The following LARS2 variants were observed in gnomAD, a reference collection of about 807,000 sequenced individuals.
LARS2 encodes the protein leucine--tRNA ligase, mitochondrial.
In LARS2, 81 loss-of-function variants were observed where a neutral mutation model predicts 116.6. The observed-to-expected ratio is 0.69, with a 90% CI of 0.58 to 0.84. The LOEUF is 0.84. Ranked by LOEUF, LARS2 falls within the 40% of genes least tolerant of loss-of-function variation. The pLI is 0.00. For missense variants in LARS2, 968 were observed against 1,114.5 expected (o/e 0.87, Z 1.87); for synonymous variants, 396 against 407.2 (o/e 0.97, Z 0.33).
At chr3:45,526,226 T>C (rs1303764857) in intron 20 of LARS2, among the ~76,000 whole-genome samples, 1 of 152,230 alleles carries the variant, frequency 6.6e-6, no homozygotes, top group Non-Finnish European at 1.5e-5. Flanking sequence ...ATCATACCAT[T>C]GGATAATCAG....
intron 8 of LARS2, among the ~76,000 whole-genome samples, chr3:45,462,491 A>G (rs1415848154): frequency 3.9e-5 from 6 of 152,108 alleles, no homozygotes; most frequent in African/African-American, 1.4e-4. Flanking sequence ...TTTTGTCTAG[A>G]AAACAAAAAC....
rs201126565 is a variant in LARS2, at chr3:45,516,220, G to A, written c.1988G>A (p.Arg663Gln). The stretch of plus-strand genomic sequence containing the variant: ...GAGCAGTATGGGATCGACACGATTC[G>A]GCTCTACATCCTTTTTGCTGCCCCT... ...VVEQYGIDTI[R>Q]LYILFAAPPE... Residue 663 changes from arginine (R) to glutamine (Q), a missense_variant, in exon 17 of 22, where the codon CGG (arginine) becomes CAG (glutamine). Coordinates refer to ENST00000645846, the MANE Select transcript of LARS2 (RefSeq NM_015340.4). 3.1e-6 allele frequency: 5 copies of A among 1,614,152 alleles called. No homozygotes were observed. The highest frequency in any genetic ancestry group is 1.7e-5 in the Admixed American group (1 of 60,016).
chr3:45,400,902 C>A (rs547527004), intron 4 of LARS2, among the ~76,000 whole-genome samples: 6 of 152,084 alleles, frequency 3.9e-5, no homozygotes, highest in African/African-American at 1.4e-4. Context: ...CAACCTCCCC[C>A]TCCCGGGTTC....
chr3:45,500,266 T>A lies in LARS2; in HGVS notation c.1623-176T>A, dbSNP rs146415564. Among the ~76,000 whole-genome samples the A allele has an allele frequency of 0.014, 2,064 of 152,336 alleles. 31 individuals carry two copies. Among genetic ancestry groups the A allele is most frequent in the African/African-American group, 0.047 (1,964 of 41,562 alleles). ...AGCCACCTGCCTCGGCCTCCCAAAC[T>A]GCTGGGATGACAGGCATGAGCCACC... is the stretch of plus-strand genomic sequence containing the variant. On this transcript the variant is annotated intron_variant, in intron 14 of 21. Transcript: ENST00000645846.
At chr3:45,450,391 G>A (rs750729613) in intron 7 of LARS2, among the ~76,000 whole-genome samples, 10 of 151,652 alleles carry the variant, frequency 6.6e-5, no homozygotes, top group Non-Finnish European at 1.3e-4. Flanking sequence ...TTTATCCCCC[G>A]CTCTCTCCCC....
intron 10 of LARS2, among the ~76,000 whole-genome samples, chr3:45,476,904 C>T (rs952679242): frequency 6.6e-6 from 1 of 152,188 alleles, no homozygotes; most frequent in East Asian, 1.9e-4. Flanking sequence ...ATCTAAAGTT[C>T]TTTTCTCCTA....
At chr3:45,522,511 G>A (rs267222) in intron 19 of LARS2, among the ~76,000 whole-genome samples, 78,711 of 152,148 alleles carry the variant, frequency 0.52, 24,290 homozygotes, top group East Asian at 0.78. Context: ...CAGATAGATC[G>A]CTTGAGGTCA....
intron 10 of LARS2, among the ~76,000 whole-genome samples, chr3:45,479,521 T>A (rs184526336): frequency 9.8e-5 from 15 of 152,300 alleles, no homozygotes; most frequent in East Asian, 3.9e-4. Context: ...GCTGGCCAAC[T>A]GGGTTGCCGA....
chr3:45,541,798 G>C (rs989775947), intron 20 of LARS2, 31 bp from the exon 21 acceptor site: 43 of 1,612,460 alleles, frequency 2.7e-5, no homozygotes, highest in Non-Finnish European at 3.6e-5. Flanking sequence ...TTCTTAGAGT[G>C]ACCCCACGCT....
At chr3:45,517,748 C>T (rs910687347) in intron 17 of LARS2, among the ~76,000 whole-genome samples, 155 bp from the exon 18 acceptor site, 3 of 152,186 alleles carry the variant, frequency 2.0e-5, no homozygotes, top group African/African-American at 4.8e-5. Flanking sequence ...CACTGAAGGC[C>T]AGGGAGGATC....
At chr3:45,501,347 T>C (rs1382496091) in intron 15 of LARS2, among the ~76,000 whole-genome samples, 5 of 151,680 alleles carry the variant, frequency 3.3e-5, no homozygotes, top group Non-Finnish European at 1.5e-5. Context: ...TCTTTATAAA[T>C]GTATCGTTTC....
chr3:45,517,971 G>T lies in LARS2; in HGVS notation c.2113G>T (p.Ala705Ser), dbSNP rs1700395831. The change falls in exon 18 of 22, where the codon GCC becomes TCC. Residue 705 changes from alanine (A) to serine (S), a missense_variant. Ala to Ser is a moderately conservative substitution (Grantham distance 99, BLOSUM62 1). Coordinates refer to ENST00000645846, the MANE Select transcript of LARS2 (RefSeq NM_015340.4). ...GACCTTGACAACTCGGTTTATTGAG[G>T]CCAGGGCTTCTGGGAAGTCTCCCCA... ...LWTLTTRFIE[A>S]RASGKSPQPQ... 6.2e-7 allele frequency: 1 copy of T among 1,614,088 alleles called. No individual in the cohort carries two copies. Among genetic ancestry groups the T allele is most frequent in the Non-Finnish European group, 8.5e-7 (1 of 1,179,964 alleles).
chr3:45,412,708 A>G (rs1698350693), intron 4 of LARS2, among the ~76,000 whole-genome samples: 1 of 152,208 alleles, frequency 6.6e-6, no homozygotes, highest in Admixed American at 6.5e-5. Context: ...AAAACTGGGA[A>G]ATGCAGCATA....
At chr3:45,540,192 G>A (rs896818037) in intron 20 of LARS2, among the ~76,000 whole-genome samples, 1 of 152,130 alleles carries the variant, frequency 6.6e-6, no homozygotes, top group Non-Finnish European at 1.5e-5. Context: ...CTGGGAGGCA[G>A]AGGTTGCAGT....
intron 7 of LARS2, among the ~76,000 whole-genome samples, chr3:45,456,956 G>A (rs906911342): frequency 1.3e-5 from 2 of 152,228 alleles, no homozygotes; most frequent in African/African-American, 4.8e-5. Flanking sequence ...CAGCAGGAAA[G>A]AGAGAGCACA....
intron 1 of LARS2, among the ~76,000 whole-genome samples, chr3:45,389,797 G>C (rs192292773): frequency 2.1e-4 from 32 of 152,306 alleles, no homozygotes; most frequent in African/African-American, 7.0e-4. Context: ...TCTCACAGCC[G>C]TCTAATAAAA....
chr3:45,399,491 G>GT (rs1189195181), intron 3 of LARS2, among the ~76,000 whole-genome samples: 9 of 151,576 alleles, frequency 5.9e-5, no homozygotes, highest in Non-Finnish European at 1.2e-4. Flanking sequence ...GTTTTGTTTT[G>GT]TTTTTTTAAT....
At chr3:45,529,881 A>C (rs1395896709) in intron 20 of LARS2, among the ~76,000 whole-genome samples, 1 of 152,066 alleles carries the variant, frequency 6.6e-6, no homozygotes, top group African/African-American at 2.4e-5. Flanking sequence ...AGCTGTGAGG[A>C]TGGGTAACAG....
chr3:45,404,068 T>C (rs1698196645), intron 4 of LARS2, among the ~76,000 whole-genome samples: 2 of 152,224 alleles, frequency 1.3e-5, no homozygotes. Context: ...TTCGTCACCA[T>C]TTAATAAATG....
Sources: allele counts gnomAD v4.1 joint callset (sites outside exome capture counted in the v4.1 genomes callset), GRCh38; gene constraint gnomAD v4.1.1; transcripts MANE v1.5; gene names NCBI Gene and HGNC (gene_info 2026-07-23, HGNC 2026-07-21).